NAT1: variants seen among roughly 807,000 people sequenced by gnomAD.
NAT1 encodes arylamine N-acetyltransferase 1.
For synonymous variants in NAT1, 144 were observed against 122.6 expected (o/e 1.17, Z -1.16); for missense variants, 400 against 339.2 (o/e 1.18, Z -1.41).
At chr8:18,180,006 A>G (rs1277550105) in intron 2 of NAT1, among the ~76,000 whole-genome samples, 1 of 152,194 alleles carries the variant, frequency 6.6e-6, no homozygotes, top group Non-Finnish European at 1.5e-5. Flanking sequence ...GGGGCATAGT[A>G]AGAAGTCAGA....
chr8:18,175,610 A>G (rs967482478), intron 2 of NAT1, among the ~76,000 whole-genome samples: 4 of 152,130 alleles, frequency 2.6e-5, no homozygotes, highest in African/African-American at 9.7e-5. Flanking sequence ...TATCCATACT[A>G]TCATTGATGA....
At chr8:18,197,549 AG>A in intron 2 of NAT1, among the ~76,000 whole-genome samples, 1 of 152,302 alleles carries the variant, frequency 6.6e-6, no homozygotes, top group South Asian at 2.1e-4. Context: ...GTCACAACAA[AG>A]GCTCATCCAG....
chr8:18,193,919 G>A (rs1803126242), intron 2 of NAT1, among the ~76,000 whole-genome samples: 1 of 152,070 alleles, frequency 6.6e-6, no homozygotes, highest in Non-Finnish European at 1.5e-5. Flanking sequence ...GGGATTACAG[G>A]CATGAGCCAC....
chr8:18,218,295 G>A (rs960503632), intron 1 of NAT1, among the ~76,000 whole-genome samples: 1 of 152,024 alleles, frequency 6.6e-6, no homozygotes, highest in African/African-American at 2.4e-5. Flanking sequence ...ACGTTTTGAT[G>A]AAAAAAAGAT....
rs531947099 is a variant in NAT1 at position 18,189,121 on chromosome 8, A to T, written n.92+18382A>T. 3.9e-5 allele frequency among the ~76,000 whole-genome samples: 6 copies of T among 152,284 alleles called. No homozygotes were observed. In the East Asian group the frequency reaches 1.2e-3, roughly 29 times the overall value. ...AGAAATATTTATTACAACACATAAA[A>T]TGCATTATTCACTCATCAAAGTTGT... On this transcript the variant is annotated intron_variant and non_coding_transcript_variant, in intron 2 of 4. Coordinates refer to the NAT1 transcript ENST00000517441.
At chr8:18,174,076 A>C (rs942505804) in intron 2 of NAT1, among the ~76,000 whole-genome samples, 4 of 152,134 alleles carry the variant, frequency 2.6e-5, no homozygotes, top group Non-Finnish European at 4.4e-5. Context: ...TGAATGGCTC[A>C]CTGGCGCCCT....
chr8:18,219,351 T>C (rs1805041700), intron 1 of NAT1, 60 bp from the exon 2 acceptor site: 2 of 1,140,894 alleles, frequency 1.8e-6, no homozygotes, highest in Admixed American at 2.3e-5. Context: ...ACAAAACTAT[T>C]ATTTTGTTTT....
intron 1 of NAT1, among the ~76,000 whole-genome samples, chr8:18,217,483 G>C (rs1804802392): frequency 1.3e-5 from 2 of 152,238 alleles, no homozygotes; most frequent in East Asian, 3.8e-4. Context: ...TACTGAACGA[G>C]TGTTGAGCCC....
intron 2 of NAT1, among the ~76,000 whole-genome samples, chr8:18,189,490 C>A (rs1375814060): frequency 6.6e-6 from 1 of 152,096 alleles, no homozygotes; most frequent in Non-Finnish European, 1.5e-5. Flanking sequence ...AACGGTCACA[C>A]AACATAGAGT....
chr8:18,199,750 T>A lies in NAT1; in HGVS notation n.93-10031T>A, dbSNP rs919252274. 1.2e-3 allele frequency among the ~76,000 whole-genome samples: 180 copies of A among 152,272 alleles called. 1 individual carries two copies. The highest frequency in any genetic ancestry group is 4.0e-3 in the African/African-American group (168 of 41,554). ...TGGAAGTAGCTCATAGCATTTACAA[T>A]GAGTGGTTATTACAGCTGGGGGCTA... On this transcript the variant is annotated intron_variant and non_coding_transcript_variant, in intron 2 of 4. Transcript: ENST00000517441.
chr8:18,202,776 G>A (rs1025947460), intron 2 of NAT1, among the ~76,000 whole-genome samples: 2 of 152,158 alleles, frequency 1.3e-5, no homozygotes, highest in African/African-American at 4.8e-5. Context: ...AGAGTGAGGA[G>A]CAGCAAGATT....
chr8:18,217,973 T>C (rs1052688169), intron 1 of NAT1, among the ~76,000 whole-genome samples: 8 of 152,276 alleles, frequency 5.3e-5, no homozygotes, highest in Admixed American at 2.6e-4. Context: ...TCTACCTTTA[T>C]TGGAGTGGCT....
chr8:18,200,726 G>C (rs1300892385), intron 2 of NAT1, among the ~76,000 whole-genome samples: 1 of 152,098 alleles, frequency 6.6e-6, no homozygotes, highest in Non-Finnish European at 1.5e-5. Flanking sequence ...GTACGGGATT[G>C]ATTAATTAAG....
chr8:18,214,701 C>T (rs1428233847), intron 1 of NAT1, among the ~76,000 whole-genome samples: 1 of 151,996 alleles, frequency 6.6e-6, no homozygotes, highest in African/African-American at 2.4e-5. Context: ...TTTTTCTTAA[C>T]TTTTAAATCC....
intron 2 of NAT1, among the ~76,000 whole-genome samples, chr8:18,220,136 C>T (rs1407824548): frequency 1.3e-5 from 2 of 152,134 alleles, no homozygotes; most frequent in African/African-American, 2.4e-5. Context: ...TGACTAAATA[C>T]ATCTTGTTCT....
intron 2 of NAT1, among the ~76,000 whole-genome samples, chr8:18,171,919 A>G (rs554638397): frequency 6.6e-6 from 1 of 152,328 alleles, no homozygotes; most frequent in South Asian, 2.1e-4. Flanking sequence ...GTTTAGGGAA[A>G]AATTTTTCTT....
intron 2 of NAT1, among the ~76,000 whole-genome samples, chr8:18,196,442 C>G (rs1003885040): frequency 6.6e-6 from 1 of 152,012 alleles, no homozygotes; most frequent in Non-Finnish European, 1.5e-5. Flanking sequence ...AAAAGCCACC[C>G]ACCAAACACA....
At chr8:18,198,112 T>G (rs1803310313) in intron 2 of NAT1, among the ~76,000 whole-genome samples, 2 of 152,150 alleles carry the variant, frequency 1.3e-5, no homozygotes, top group African/African-American at 4.8e-5. Context: ...CATTTTAAAT[T>G]TATGGACCAT....
chr8:18,192,642 A>G (rs13253049), intron 2 of NAT1, among the ~76,000 whole-genome samples: 123,763 of 150,918 alleles, frequency 0.82, 51,124 homozygotes, highest in African/African-American at 0.93. Flanking sequence ...CATATACACC[A>G]TGGAATACTA....
Sources: gnomAD v4.1 joint callset for allele counts (sites outside exome capture counted in the v4.1 genomes callset) on GRCh38, gnomAD v4.1.1 for gene constraint, MANE v1.5 for transcripts, NCBI Gene and HGNC (gene_info 2026-07-23, HGNC 2026-07-21) for gene names.